Variants in CDHR2 observed in about 807,000 individuals in gnomAD.
The protein encoded by CDHR2 is cadherin related family member 2, also known as cadherin-related family member 2.
Under a neutral mutation model 138.6 loss-of-function variants are expected in CDHR2, and 104 were observed. That is an observed-to-expected ratio of 0.75 (90% CI 0.64 to 0.88). The LOEUF is 0.88. Among genes scored for constraint, CDHR2 ranks in the 40% least tolerant of loss-of-function variants. CDHR2 has a pLI of 0.00. For missense variants in CDHR2, 1,624 were observed against 1,727.6 expected (o/e 0.94, Z 1.06); for synonymous variants, 755 against 742.8 (o/e 1.02, Z -0.27).
chr5:176,592,805 C>T, intron 31 of CDHR2, 25 bp downstream of exon 31: 1 of 1,608,568 alleles, frequency 6.2e-7, no homozygotes, highest in Non-Finnish European at 8.5e-7. Flanking sequence ...GAATTGGTGC[C>T]TGGAGGTTCC....
At chr5:176,588,448 TGTGA>T (rs1561880776) in intron 21 of CDHR2, among the ~76,000 whole-genome samples, 3 of 123,960 alleles carry the variant, frequency 2.4e-5, no homozygotes, top group Non-Finnish European at 3.8e-5. Flanking sequence ...AGTGTGTGAG[TGTGA>T]GAGGGTGTGT....
chr5:176,593,335 A>G (rs1758935640), intron 31 of CDHR2, among the ~76,000 whole-genome samples: 1 of 152,218 alleles, frequency 6.6e-6, no homozygotes, highest in Non-Finnish European at 1.5e-5. Context: ...CCCAGGTCAC[A>G]CCCAGGTCCA....
At position 176,578,553 on chromosome 5, in the gene CDHR2, G is replaced by A; in HGVS notation, c.1763G>A (p.Gly588Asp). 2 of 1,613,974 alleles carry A rather than the reference G, an allele frequency of 1.2e-6. No individual in the cohort carries two copies. The highest frequency in any genetic ancestry group is 1.3e-5 in the African/African-American group (1 of 75,018). ...DINDNAPVVS[G>D]SYNIFVQEEE... ...AACGACAATGCACCCGTGGTTAGCGGCTCCTACAACATCTTCGTCCAGGAG... is the reference window on the plus strand; with the variant it reads ...AACGACAATGCACCCGTGGTTAGCGACTCCTACAACATCTTCGTCCAGGAG... The change falls in exon 16 of 32, where the codon GGC (glycine) becomes GAC (aspartate). Residue 588 changes from glycine to aspartate, a missense_variant. Gly to Asp is a moderately conservative substitution (Grantham distance 94). Around this residue, in one of 3 missense-constraint regions of CDHR2, gnomAD observed 1,061 missense variants for 1,136.6 expected, o/e 0.93. Coordinates refer to ENST00000261944, the MANE Select transcript of CDHR2 (RefSeq NM_017675.6).
At chr5:176,560,278 C>G (rs1757935715) in intron 1 of CDHR2, among the ~76,000 whole-genome samples, 1 of 152,074 alleles carries the variant, frequency 6.6e-6, no homozygotes, top group Non-Finnish European at 1.5e-5. Flanking sequence ...ACCCTGTAAT[C>G]CCAGCTACTC....
intron 5 of CDHR2, among the ~76,000 whole-genome samples, 200 bp downstream of exon 5, chr5:176,569,210 ATATAT>A (rs982914222): frequency 2.6e-5 from 4 of 151,902 alleles, no homozygotes; most frequent in African/African-American, 9.7e-5. Context: ...AATTACATAA[ATATAT>A]TATTTATATC....
In CDHR2 at chr5:176,549,417, A is replaced by C. The variant is rs190622253; in HGVS notation, c.-16+3A>C. The C allele has an allele frequency of 6.6e-6, 1 of 152,266 alleles. No individual in the cohort carries two copies. Among genetic ancestry groups the C allele is most frequent in the Non-Finnish European group, 1.5e-5 (1 of 68,056 alleles). 9.4% of individuals were successfully genotyped at this position (152,266 alleles called of 1,614,324 possible). On this transcript the variant is annotated splice_donor_region_variant and intron_variant, in intron 1 of 31. Coordinates refer to ENST00000261944, the MANE Select transcript of CDHR2 (RefSeq NM_017675.6). Reference sequence around the variant, plus strand: ...CCTCCGTGGCGAAGGGGACACAGGTAGGGACTATCCAGCTCATCGGGGGTC... The same window carrying C: ...CCTCCGTGGCGAAGGGGACACAGGTCGGGACTATCCAGCTCATCGGGGGTC...
chr5:176,552,625 CTG>C (rs148604842), intron 1 of CDHR2, among the ~76,000 whole-genome samples: 2,397 of 152,340 alleles, frequency 0.016, 78 homozygotes, highest in African/African-American at 0.055. Flanking sequence ...CACACAGACA[CTG>C]TGCTTTTTCC....
At chr5:176,569,548 C>T (rs1041893665) in intron 5 of CDHR2, among the ~76,000 whole-genome samples, 2 of 152,172 alleles carry the variant, frequency 1.3e-5, no homozygotes, top group African/African-American at 4.8e-5. Flanking sequence ...TCCCAGAGTG[C>T]TGGGATTACA....
At chr5:176,548,168 A>G (rs1757625458), upstream of CDHR2, among the ~76,000 whole-genome samples, 1 of 152,238 alleles carries the variant, frequency 6.6e-6, no homozygotes, top group African/African-American at 2.4e-5. Flanking sequence ...GCCATGAAAG[A>G]TGATATTATA....
chr5:176,586,198 C>T (rs1283265683), intron 20 of CDHR2, among the ~76,000 whole-genome samples, 173 bp downstream of exon 20: 1 of 152,038 alleles, frequency 6.6e-6, no homozygotes, highest in Non-Finnish European at 1.5e-5. Context: ...TTTCTTTTTT[C>T]TTTCCTTTTT....
Position 176,595,628 on chromosome 5 carries a change from G to A in CDHR2, c.3889G>A (p.Gly1297Arg), listed in dbSNP as rs368114066. Reference protein sequence around the residue: ...RQAGASGQLEGPSYTNAGLDT... With the variant: ...RQAGASGQLERPSYTNAGLDT... ...GGCAGGCGCAAGTGGACAGCTGGAG[G>A]GGCCATCCTACACCAACGCTGGCCT... The change falls in exon 32 of 32, where the codon GGG becomes AGG. Residue 1297 changes from glycine (G) to arginine (R), a missense_variant. By Grantham distance (125) the Gly-to-Arg change is moderately radical. Coordinates refer to ENST00000261944, the MANE Select transcript of CDHR2 (RefSeq NM_017675.6). 4 of 1,611,796 alleles carry A rather than the reference G, an allele frequency of 2.5e-6. No individual in the cohort carries two copies. Among genetic ancestry groups the A allele is most frequent in the Non-Finnish European group, 3.4e-6 (4 of 1,178,768 alleles).
intron 29 of CDHR2, 38 bp from the exon 30 acceptor site, chr5:176,591,366 G>A: frequency 1.9e-6 from 3 of 1,610,774 alleles, no homozygotes; most frequent in South Asian, 2.2e-5. Context: ...TGGTGGGGTG[G>A]CTGAGGGCCA....
intron 14 of CDHR2, 86 bp from the exon 15 acceptor site, chr5:176,577,948 C>T: frequency 6.6e-7 from 1 of 1,510,126 alleles, no homozygotes; most frequent in Non-Finnish European, 9.1e-7. Flanking sequence ...TGTGAGGAAG[C>T]ACGACAGCTC....
chr5:176,586,002 T>G lies in CDHR2; in HGVS notation c.2783T>G (p.Phe928Cys). The part of the protein sequence containing the change: ...IEDVNDNAPY[F>C]LPENKTFVII... ...GACGTGAATGACAATGCACCCTATT[T>G]TCTGCCTGAGAATAAGACTTTTGGT... The change falls in exon 20 of 32, where the codon TTT becomes TGT. Residue 928 changes from phenylalanine (F) to cysteine (C), a missense_variant. Coordinates refer to ENST00000261944, the MANE Select transcript of CDHR2 (RefSeq NM_017675.6). The G allele has an allele frequency of 6.2e-7, 1 of 1,613,960 alleles. No homozygotes were observed. The highest frequency in any genetic ancestry group is 8.5e-7 in the Non-Finnish European group (1 of 1,179,900).
At chr5:176,591,123 A>G (rs1205102607) in intron 28 of CDHR2, 87 bp from the exon 29 acceptor site, 1 of 868,344 alleles carries the variant, frequency 1.2e-6, no homozygotes, top group Non-Finnish European at 1.9e-6. Context: ...ACCTCCCGGG[A>G]TCTTGTGAAG....
chr5:176,554,981 G>T (rs1757789931), intron 1 of CDHR2, among the ~76,000 whole-genome samples: 1 of 152,204 alleles, frequency 6.6e-6, no homozygotes, highest in Admixed American at 6.5e-5. Context: ...GCATTACGTA[G>T]TGCCCGGCTC....
intron 3 of CDHR2, among the ~76,000 whole-genome samples, chr5:176,568,371 A>C (rs1430961103): frequency 6.6e-6 from 1 of 152,246 alleles, no homozygotes; most frequent in Non-Finnish European, 1.5e-5. Context: ...CACACCAGCC[A>C]CGTCTAGTCT....
At chr5:176,575,885 C>A in intron 11 of CDHR2, 46 bp downstream of exon 11, 1 of 1,554,272 alleles carries the variant, frequency 6.4e-7, no homozygotes, top group Non-Finnish European at 8.7e-7. Context: ...GCTCTCTAAC[C>A]TCTGGCCTTT....
chr5:176,576,156 C>G lies in CDHR2; in HGVS notation c.1165C>G (p.Leu389Val), dbSNP rs749994018. ...HASPRIPIDD[L>V]TMVVYDPDKG... ...CTCCCCCCGCATCCCCATCGATGAC[C>G]TCACCATGGTGGTCTACGACCCGGA... The change falls in exon 12 of 32, where the codon CTC becomes GTC. Residue 389 changes from leucine to valine, a missense_variant. Leu to Val is a conservative substitution (Grantham distance 32). Transcript: ENST00000261944. This position sits in a 1 kb window ranked among gnomAD's most constrained non-coding sequence, Gnocchi z 4.5. 6.2e-7 allele frequency: 1 copy of G among 1,613,564 alleles called. No individual in the cohort carries two copies. Among genetic ancestry groups the G allele is most frequent in the Non-Finnish European group, 8.5e-7 (1 of 1,179,950 alleles).
Sources: gnomAD v4.1 joint callset for allele counts (sites outside exome capture counted in the v4.1 genomes callset) on GRCh38, gnomAD v4.1.1 for gene constraint, gnomAD v4.1.1 regional missense constraint, Gnocchi (gnomAD v3.1) non-coding constraint, MANE v1.5 for transcripts, NCBI Gene and HGNC (gene_info 2026-07-23, HGNC 2026-07-21) for gene names.